Variants in SLCO2A1 observed in about 807,000 individuals in gnomAD.
The protein encoded by SLCO2A1 is matrin F/G 1.
In SLCO2A1, 60 loss-of-function variants were observed where a neutral mutation model predicts 71.7. That is an observed-to-expected ratio of 0.84 (90% CI 0.68 to 1.04). The LOEUF (loss-of-function observed/expected upper bound fraction) is 1.04. Ranked by LOEUF, SLCO2A1 falls within the 50% of genes least tolerant of loss-of-function variation. The probability of loss-of-function intolerance (pLI) is 0.00; values close to 1 mark genes in which losing one functional copy is unlikely to be tolerated. For missense variants in SLCO2A1, 745 were observed against 813.4 expected, an observed-to-expected ratio of 0.92 and a Z score of 1.02; for synonymous variants, 308 against 326.7, an observed-to-expected ratio of 0.94 and a Z score of 0.62.
chr3:133,965,665 G>A (rs1167905383), intron 3 of SLCO2A1, among the ~76,000 whole-genome samples: 1 of 152,194 alleles, frequency 6.6e-6, no homozygotes, highest in Admixed American at 6.5e-5. Context: ...CTGGTGTTTT[G>A]ACCGCAAGTT....
intron 1 of SLCO2A1, among the ~76,000 whole-genome samples, chr3:133,989,324 T>C (rs1397253848): frequency 6.6e-6 from 1 of 152,252 alleles, no homozygotes; most frequent in Non-Finnish European, 1.5e-5. Flanking sequence ...TTCATTCCTT[T>C]GGTACTTTGT....
chr3:133,989,730 A>C (rs1394605284), intron 1 of SLCO2A1, among the ~76,000 whole-genome samples: 1 of 152,144 alleles, frequency 6.6e-6, no homozygotes, highest in Non-Finnish European at 1.5e-5. Context: ...TTTAGTTTTT[A>C]GTTTTTCTGT....
intron 1 of SLCO2A1, among the ~76,000 whole-genome samples, chr3:133,991,154 G>C (rs1576449873): frequency 6.6e-6 from 1 of 152,086 alleles, no homozygotes; most frequent in Non-Finnish European, 1.5e-5. Flanking sequence ...AAAACTGCAG[G>C]CATCTGAAGG....
Position 133,951,267 on chromosome 3 carries a change from A to G in SLCO2A1, c.802T>C (p.Leu268=). 1 of 1,614,182 alleles carries G rather than the reference A, an allele frequency of 6.2e-7. No homozygotes were observed. The highest frequency in any genetic ancestry group is 1.1e-5 in the South Asian group (1 of 91,082). The part of the protein sequence containing the change: ...WLGLLISSAL[L]VLTSFPFFFF... ...AAAAAGGGGAAAGAGGTGAGAACCA[A>G]TAAAGCTGAAGAAATGAGCAGGCCT... The change falls in exon 6 of 14, where the codon TTG becomes CTG. Residue 268 remains leucine (L), a synonymous_variant. Transcript: ENST00000310926.
At chr3:134,007,391 C>T (rs193227804) in intron 1 of SLCO2A1, among the ~76,000 whole-genome samples, 2 of 152,244 alleles carry the variant, frequency 1.3e-5, no homozygotes, top group East Asian at 3.9e-4. Context: ...GAAATCCTTG[C>T]CAAATCCAAT....
intron 6 of SLCO2A1, among the ~76,000 whole-genome samples, chr3:133,949,711 C>T (rs570111338): frequency 2.4e-4 from 36 of 152,350 alleles, no homozygotes; most frequent in Admixed American, 7.2e-4. Context: ...TTGTCTCATT[C>T]CTCACAACGC....
At chr3:134,027,133 A>G (rs1935714186) in intron 1 of SLCO2A1, among the ~76,000 whole-genome samples, 1 of 152,224 alleles carries the variant, frequency 6.6e-6, no homozygotes, top group African/African-American at 2.4e-5. Context: ...GGTAGTAAAA[A>G]TGAAAGTGAG....
At chr3:133,984,716 T>G (rs116531576) in intron 1 of SLCO2A1, among the ~76,000 whole-genome samples, 2 of 152,154 alleles carry the variant, frequency 1.3e-5, no homozygotes, top group Admixed American at 1.3e-4. Flanking sequence ...TACATGGAGA[T>G]GTATTGGTGG....
intron 3 of SLCO2A1, among the ~76,000 whole-genome samples, chr3:133,957,106 C>T (rs1055719528): frequency 6.6e-6 from 1 of 152,362 alleles, no homozygotes; most frequent in South Asian, 2.1e-4. Context: ...AGGCTCTAGG[C>T]CTGCAACAGT....
At chr3:133,942,016 C>T (rs918483523) in intron 11 of SLCO2A1, among the ~76,000 whole-genome samples, 12 of 152,084 alleles carry the variant, frequency 7.9e-5, no homozygotes, top group East Asian at 3.9e-4. Context: ...ATTTTTGAGA[C>T]GGAGTCTCAC....
intron 3 of SLCO2A1, among the ~76,000 whole-genome samples, chr3:133,961,552 G>A (rs1240727052): frequency 6.6e-6 from 1 of 152,176 alleles, no homozygotes; most frequent in Non-Finnish European, 1.5e-5. Context: ...GTTGCCTGCT[G>A]CACCACGGCC....
rs148088405 is a variant in SLCO2A1, at chr3:134,014,018, T to A, written c.96+15689A>T. 7.7e-3 allele frequency among the ~76,000 whole-genome samples: 1,172 copies of A among 152,242 alleles called. 13 individuals are homozygous for A. The highest frequency in any genetic ancestry group is 0.027 in the African/African-American group (1,117 of 41,556). On this transcript the variant is annotated intron_variant, in intron 1 of 13. Coordinates refer to ENST00000310926, the MANE Select transcript of SLCO2A1 (RefSeq NM_005630.3). ...GTAGCCCTCTCTGATAACACAGGCA[T>A]TTTAACTGAGGCTGTCTGTGCTCTA...
chr3:133,977,827 G>T (rs1343117570), intron 2 of SLCO2A1, among the ~76,000 whole-genome samples: 1 of 152,076 alleles, frequency 6.6e-6, no homozygotes, highest in Non-Finnish European at 1.5e-5. Context: ...TGCAGGGCAG[G>T]GACACCAGGG....
intron 3 of SLCO2A1, among the ~76,000 whole-genome samples, chr3:133,964,312 T>C (rs1042761065): frequency 7.2e-5 from 11 of 152,226 alleles, no homozygotes; most frequent in Non-Finnish European, 1.2e-4. Context: ...ATATAATACC[T>C]GTCTTACAAT....
At chr3:133,993,981 G>A (rs1934907300) in intron 1 of SLCO2A1, among the ~76,000 whole-genome samples, 2 of 152,264 alleles carry the variant, frequency 1.3e-5, no homozygotes, top group Admixed American at 6.5e-5. Context: ...GGTATCAGAA[G>A]AGCTAGGATC....
At chr3:133,996,465 A>C (rs1303661975) in intron 1 of SLCO2A1, among the ~76,000 whole-genome samples, 1 of 152,318 alleles carries the variant, frequency 6.6e-6, no homozygotes, top group East Asian at 1.9e-4. Flanking sequence ...CTGCTCTGAC[A>C]GTGGAGTTGC....
intron 1 of SLCO2A1, among the ~76,000 whole-genome samples, chr3:134,021,522 G>C (rs1020501775): frequency 1.3e-5 from 2 of 152,122 alleles, no homozygotes; most frequent in Admixed American, 1.3e-4. Context: ...CACAGTGGTT[G>C]AGAGAACAGC....
Position 133,936,021 on chromosome 3 carries a change from G to C in SLCO2A1, c.1691-124C>G, listed in dbSNP as rs1030109329. ...GAGAACGGCTCTGCCGTACCCATAG[G>C]ACTCACAGTGACTCTGGAAAGCAGA... On this transcript the variant is annotated intron_variant, in intron 12 of 13. Coordinates refer to ENST00000310926, the MANE Select transcript of SLCO2A1 (RefSeq NM_005630.3). 1.7e-5 allele frequency: 16 copies of C among 928,664 alleles called. No homozygotes were observed. In the African/African-American group the frequency reaches 2.5e-4, roughly 15 times the overall value. The allele number at this position is 928,664 out of a possible 1,614,324, so 57.5% of individuals were successfully genotyped here.
chr3:133,968,702 C>G (rs1431301318), intron 3 of SLCO2A1, among the ~76,000 whole-genome samples: 1 of 152,240 alleles, frequency 6.6e-6, no homozygotes, highest in Non-Finnish European at 1.5e-5. Flanking sequence ...TACACCTAGT[C>G]CTACCAGACA....
Sources: gnomAD v4.1 joint callset for allele counts (sites outside exome capture counted in the v4.1 genomes callset) on GRCh38, gnomAD v4.1.1 for gene constraint, MANE v1.5 for transcripts, NCBI Gene and HGNC (gene_info 2026-07-23, HGNC 2026-07-21) for gene names.